Variants in HOXD12 observed in about 807,000 individuals in gnomAD.
HOXD12 encodes homeobox D12, also known as homeobox protein Hox-D12.
In HOXD12, 21 loss-of-function variants were observed where a neutral mutation model predicts 20.2. The observed-to-expected ratio is 1.04, with a 90% CI of 0.74 to 1.50. The LOEUF (loss-of-function observed/expected upper bound fraction) is 1.50, where lower values mean the gene tolerates loss of function less well. Ranked by LOEUF, HOXD12 falls within the 40% of genes most tolerant of loss-of-function variation. The pLI is 0.00. For missense variants in HOXD12, 472 were observed against 365.5 expected (o/e 1.29, Z -2.38); for synonymous variants, 196 against 168.8 (o/e 1.16, Z -1.25).
chr2:176,101,110 T>C lies in HOXD12; in HGVS notation c.*350T>C. ...TTTTCTGTTTCCACCCAATTCGTTC[T>C]CCCTTTCCCCCTCTCTCCAGCCCCT... On this transcript the variant is annotated 3_prime_UTR_variant, in exon 2 of 2. Transcript: ENST00000406506. 2.6e-6 allele frequency: 1 copy of C among 384,766 alleles called. No homozygotes were observed. The highest frequency in any genetic ancestry group is 4.8e-6 in the Non-Finnish European group (1 of 209,906). 23.8% of individuals were successfully genotyped at this position (384,766 alleles called of 1,614,324 possible). A position where few individuals can be genotyped will look rare whatever the true frequency, so the allele number is the denominator to read the frequency against.
At position 176,100,693 on chromosome 2, in the gene HOXD12, G is replaced by C; in HGVS notation, c.746G>C (p.Trp249Ser). 6.2e-7 allele frequency: 1 copy of C among 1,614,046 alleles called. No homozygotes were observed. The highest frequency in any genetic ancestry group is 8.5e-7 in the Non-Finnish European group (1 of 1,179,894). ...CTCAGCGACCAGCAAGTCAAAATCT[G>C]GTTCCAGAACAGGCGTATGAAGAAG... Reference protein sequence around the residue: ...LNLSDQQVKIWFQNRRMKKKR... With the variant: ...LNLSDQQVKISFQNRRMKKKR... The change falls in exon 2 of 2, where the codon TGG (tryptophan) becomes TCG (serine). Residue 249 changes from tryptophan (W) to serine (S), a missense_variant. Transcript: ENST00000406506.
In HOXD12 at chr2:176,101,178, C is replaced by T. The variant is rs1037419586; in HGVS notation, c.*418C>T. On this transcript the variant is annotated 3_prime_UTR_variant, in exon 2 of 2. Transcript: ENST00000406506. The stretch of plus-strand genomic sequence containing the variant: ...CCTAGTTAGGGCTCAGAGTGGAAGG[C>T]CTCCTGAGGGAATGGAAAGGACTGT... 4 of 219,830 alleles carry T rather than the reference C, an allele frequency of 1.8e-5. No individual in the cohort carries two copies. Among genetic ancestry groups the T allele is most frequent in the Admixed American group, 1.6e-4 (3 of 19,170 alleles). 13.6% of individuals were successfully genotyped at this position (219,830 alleles called of 1,614,324 possible). A position where few individuals can be genotyped will look rare whatever the true frequency, so the allele number is the denominator to read the frequency against.
rs754114080 is a variant in HOXD12 at position 176,100,216 on chromosome 2, T to C, written c.415T>C (p.Tyr139His). 31 of 1,612,172 alleles carry C rather than the reference T, an allele frequency of 1.9e-5. No individual in the cohort carries two copies. The highest frequency in any genetic ancestry group is 1.0e-4 in the Admixed American group (6 of 59,980). The change falls in exon 1 of 2, where the codon TAC becomes CAC. Residue 139 changes from tyrosine to histidine, a missense_variant. Tyr to His is a moderately conservative substitution (Grantham distance 83). Coordinates refer to ENST00000406506, the MANE Select transcript of HOXD12 (RefSeq NM_021193.4). ...TGCTCTCAAAGCGGCCAAGTATGAC[T>C]ACGCTGGTGTGGGTCGTGCCACGCC... The part of the protein sequence containing the change: ...VAALKAAKYD[Y>H]AGVGRATPGS...
rs1689474425 is a variant in HOXD12, at chr2:176,100,269, TC to T, written c.471del (p.Cys158AlafsTer15). 3 of 1,612,358 alleles carry T rather than the reference TC, an allele frequency of 1.9e-6. No homozygotes were observed. Among genetic ancestry groups the T allele is most frequent in the Non-Finnish European group, 2.5e-6 (3 of 1,179,774 alleles). On this transcript the variant is annotated frameshift_variant, in exon 1 of 2. Transcript: ENST00000406506. LOFTEE classifies it high-confidence loss of function. ...PGSTTLLQGA[P>X]CAPGFKDDTK... The stretch of plus-strand genomic sequence containing the variant: ...GCTCCACGACCCTGCTCCAGGGGGC[TC>T]CCTGCGCCCCTGGCTTCAAGGACGA...
Position 176,102,359 on chromosome 2 carries a change from T to G in HOXD12, c.*1599T>G, listed in dbSNP as rs1358185402. ...ACTTCAGTTGATATTTAAACTAATT[T>G]CATTTTCTAGGCTATCTAATAGTTA... On this transcript the variant is annotated 3_prime_UTR_variant, in exon 2 of 2. Transcript: ENST00000406506. 2.0e-5 allele frequency among the ~76,000 whole-genome samples: 3 copies of G among 152,354 alleles called. No homozygotes were observed. The East Asian group carries it at 5.8e-4, about 29-fold the overall frequency.
rs1689464620 is a variant in HOXD12, at chr2:176,099,958, G to A, written c.157G>A (p.Ala53Thr). The A allele has an allele frequency of 1.9e-6, 3 of 1,597,484 alleles. No individual in the cohort carries two copies. Among genetic ancestry groups the A allele is most frequent in the Non-Finnish European group, 2.6e-6 (3 of 1,173,962 alleles). The change falls in exon 1 of 2, where the codon GCC becomes ACC. Residue 53 changes from alanine to threonine, a missense_variant. Physicochemically the swap from Ala to Thr is moderately conservative, Grantham distance 58. Coordinates refer to ENST00000406506, the MANE Select transcript of HOXD12 (RefSeq NM_021193.4). ...SYPRGALPWA[A>T]TPASCAPAQP... ...CCCGCGCGGCGCGCTGCCCTGGGCCGCCACGCCCGCCTCCTGCGCCCCCGC... is the reference window on the plus strand; with the variant it reads ...CCCGCGCGGCGCGCTGCCCTGGGCCACCACGCCCGCCTCCTGCGCCCCCGC...
chr2:176,100,690 TC>T lies in HOXD12; in HGVS notation c.744del (p.Trp249GlyfsTer7). 9 of 1,614,014 alleles carry T rather than the reference TC, an allele frequency of 5.6e-6. No homozygotes were observed. The highest frequency in any genetic ancestry group is 7.6e-6 in the Non-Finnish European group (9 of 1,179,882). ...RLNLSDQQVKIWFQNRRMKKK... is the reference protein window; with the variant it reads ...RLNLSDQQVKXWFQNRRMKKK... ...AACCTCAGCGACCAGCAAGTCAAAA[TC>T]TGGTTCCAGAACAGGCGTATGAAGA... is the stretch of plus-strand genomic sequence containing the variant. On this transcript the variant is annotated frameshift_variant, in exon 2 of 2. Coordinates refer to ENST00000406506, the MANE Select transcript of HOXD12 (RefSeq NM_021193.4). LOFTEE classifies it high-confidence loss of function.
chr2:176,100,265 G>A lies in HOXD12; in HGVS notation c.464G>A (p.Gly155Glu). 1 of 1,612,534 alleles carries A rather than the reference G, an allele frequency of 6.2e-7. No individual in the cohort carries two copies. Among genetic ancestry groups the A allele is most frequent in the Non-Finnish European group, 8.5e-7 (1 of 1,179,836 alleles). The change falls in exon 1 of 2, where the codon GGG becomes GAG. Residue 155 changes from glycine to glutamate, a missense_variant. Gly to Glu is a moderately conservative substitution (Grantham distance 98). Coordinates refer to ENST00000406506, the MANE Select transcript of HOXD12 (RefSeq NM_021193.4). ...ATPGSTTLLQ[G>E]APCAPGFKDD... The stretch of plus-strand genomic sequence containing the variant: ...CCGGGCTCCACGACCCTGCTCCAGG[G>A]GGCTCCCTGCGCCCCTGGCTTCAAG...
At position 176,099,973 on chromosome 2, in the gene HOXD12, T is replaced by C; in HGVS notation, c.172T>C (p.Cys58Arg). Residue 58 changes from cysteine (C) to arginine (R), a missense_variant, in exon 1 of 2, where the codon TGC becomes CGC. Coordinates refer to ENST00000406506, the MANE Select transcript of HOXD12 (RefSeq NM_021193.4). ...ALPWAATPAS[C>R]APAQPAGATA... The stretch of plus-strand genomic sequence containing the variant: ...GCCCTGGGCCGCCACGCCCGCCTCC[T>C]GCGCCCCCGCGCAGCCTGCGGGCGC... The C allele has an allele frequency of 6.3e-7, 1 of 1,596,978 alleles. No individual in the cohort carries two copies. Among genetic ancestry groups the C allele is most frequent in the Non-Finnish European group, 8.5e-7 (1 of 1,172,822 alleles).
At chr2:176,100,422 G>T (rs1284474611) in intron 1 of HOXD12, 47 bp downstream of exon 1, 1 of 1,605,466 alleles carries the variant, frequency 6.2e-7, no homozygotes, top group African/African-American at 1.3e-5. Flanking sequence ...CGGGATGGGA[G>T]GTGGGGTTCA....
Position 176,102,352 on chromosome 2 carries a change from A to G in HOXD12, c.*1592A>G, listed in dbSNP as rs897676212. ...CCAACTGACTTCAGTTGATATTTAA[A>G]CTAATTTCATTTTCTAGGCTATCTA... On this transcript the variant is annotated 3_prime_UTR_variant, in exon 2 of 2. Transcript: ENST00000406506. 7.9e-5 allele frequency among the ~76,000 whole-genome samples: 12 copies of G among 152,060 alleles called. No homozygotes were observed. The highest frequency in any genetic ancestry group is 1.3e-4 in the Non-Finnish European group (9 of 68,012).
At chr2:176,100,449 G>A in intron 1 of HOXD12, 73 bp from the exon 2 acceptor site, 1 of 1,594,178 alleles carries the variant, frequency 6.3e-7, no homozygotes, top group Non-Finnish European at 8.6e-7. Context: ...AGTGTAAGGG[G>A]AGGTGAACCG....
Position 176,100,250 on chromosome 2 carries a change from C to A in HOXD12, c.449C>A (p.Thr150Lys), listed in dbSNP as rs1410678188. The A allele has an allele frequency of 3.1e-6, 5 of 1,612,322 alleles. No individual in the cohort carries two copies. The Admixed American group carries it at 8.3e-5, about 27-fold the overall frequency. ...AGVGRATPGS[T>K]TLLQGAPCAP... ...GTGGGTCGTGCCACGCCGGGCTCCA[C>A]GACCCTGCTCCAGGGGGCTCCCTGC... The change falls in exon 1 of 2, where the codon ACG becomes AAG. Residue 150 changes from threonine to lysine, a missense_variant. Physicochemically the swap from Thr to Lys is moderately conservative, Grantham distance 78 (BLOSUM62 -1). Transcript: ENST00000406506.
rs1270866150 is a variant in HOXD12, at chr2:176,100,941, G to C, written c.*181G>C. ...CCTCCTTGCTTTCCTCAGTCCCTGA[G>C]AAGCCCGTGAGAAACGTGCGGAAGT... On this transcript the variant is annotated 3_prime_UTR_variant, in exon 2 of 2. Transcript: ENST00000406506. The C allele has an allele frequency of 2.8e-5, 17 of 606,810 alleles. No homozygotes were observed. In the Admixed American group the frequency reaches 4.7e-4, roughly 17 times the overall value. 37.6% of individuals were successfully genotyped at this position (606,810 alleles called of 1,614,324 possible).
rs1410678188 is a variant in HOXD12, at chr2:176,100,250, C to G, written c.449C>G (p.Thr150Arg). The change falls in exon 1 of 2, where the codon ACG becomes AGG. Residue 150 changes from threonine to arginine, a missense_variant. Coordinates refer to ENST00000406506, the MANE Select transcript of HOXD12 (RefSeq NM_021193.4). ...GTGGGTCGTGCCACGCCGGGCTCCACGACCCTGCTCCAGGGGGCTCCCTGC... is the reference window on the plus strand; with the variant it reads ...GTGGGTCGTGCCACGCCGGGCTCCAGGACCCTGCTCCAGGGGGCTCCCTGC... ...AGVGRATPGS[T>R]TLLQGAPCAP... 2.5e-6 allele frequency: 4 copies of G among 1,612,438 alleles called. No homozygotes were observed. The highest frequency in any genetic ancestry group is 3.4e-6 in the Non-Finnish European group (4 of 1,179,828).
chr2:176,100,081 C>A lies in HOXD12; in HGVS notation c.280C>A (p.Pro94Thr). 1.9e-6 allele frequency: 3 copies of A among 1,600,618 alleles called. No homozygotes were observed. Among genetic ancestry groups the A allele is most frequent in the Non-Finnish European group, 2.6e-6 (3 of 1,175,204 alleles). The change falls in exon 1 of 2, where the codon CCC becomes ACC. Residue 94 changes from proline (P) to threonine (T), a missense_variant. Coordinates refer to ENST00000406506, the MANE Select transcript of HOXD12 (RefSeq NM_021193.4). ...GCAGCCCCCAACAGCCAAAGACGGA[C>A]CCGAAGAGCAGGCTAAGTTCTATGC... ...GLQPPTAKDG[P>T]EEQAKFYAPE...
chr2:176,100,384 T>C lies in HOXD12; in HGVS notation c.574+9T>C, dbSNP rs552354678. On this transcript the variant is annotated intron_variant, in intron 1 of 1. Transcript: ENST00000406506. ...ACCTTCACTGCCCGACGGTAAACGG[T>C]GCCCATGCTCCCCGGGCCGGTTTGG... The C allele has an allele frequency of 4.5e-5, 73 of 1,612,232 alleles. No individual in the cohort carries two copies. In the African/African-American group the frequency reaches 7.9e-4, roughly 17 times the overall value.
In HOXD12 at chr2:176,099,833, A is replaced by ATG; in HGVS notation, c.35_36dup (p.Gly13TrpfsTer5). The ATG allele has an allele frequency of 6.5e-7, 1 of 1,546,616 alleles. No homozygotes were observed. The highest frequency in any genetic ancestry group is 8.7e-7 in the Non-Finnish European group (1 of 1,153,352). On this transcript the variant is annotated frameshift_variant, in exon 1 of 2. Coordinates refer to ENST00000406506, the MANE Select transcript of HOXD12 (RefSeq NM_021193.4). LOFTEE classifies it high-confidence loss of function. Reference sequence around the variant, plus strand: ...GAGCGCAGTCTCTACAGAGCGGGCTATGTGGGCTCGCTTCTGAATCTGCAG... The same window carrying ATG: ...GAGCGCAGTCTCTACAGAGCGGGCTATGTGTGGGCTCGCTTCTGAATCTGCAG...
rs751258470 is a variant in HOXD12, at chr2:176,100,673, C to G, written c.726C>G (p.Ser242Arg). 13 of 1,613,834 alleles carry G rather than the reference C, an allele frequency of 8.1e-6. 1 individual carries two copies. The South Asian group carries it at 1.2e-4, about 15-fold the overall frequency. ...RKELSNRLNL[S>R]DQQVKIWFQN... is the part of the protein sequence containing the mutation. ...AATTGTCCAATAGGCTGAACCTCAG[C>G]GACCAGCAAGTCAAAATCTGGTTCC... The change falls in exon 2 of 2, where the codon AGC (serine) becomes AGG (arginine). Residue 242 changes from serine to arginine, a missense_variant. Ser to Arg is a moderately radical substitution (Grantham distance 110, BLOSUM62 -1). Transcript: ENST00000406506.
Sources: allele counts gnomAD v4.1 joint callset (sites outside exome capture counted in the v4.1 genomes callset), GRCh38; gene constraint gnomAD v4.1.1; transcripts MANE v1.5; gene names NCBI Gene and HGNC (gene_info 2026-07-23, HGNC 2026-07-21).